Variants in TTC39B observed in about 807,000 individuals in gnomAD.
TTC39B encodes the protein tetratricopeptide repeat protein 39B.
In TTC39B, 92 loss-of-function variants were observed where a neutral mutation model predicts 96.6. The observed-to-expected ratio is 0.95, with a 90% CI of 0.80 to 1.13. The LOEUF is 1.13. Among genes scored for constraint, TTC39B ranks in the 50% most tolerant of loss-of-function variants. The probability of loss-of-function intolerance (pLI) is 0.00; values close to 1 mark genes in which losing one functional copy is unlikely to be tolerated. For synonymous variants in TTC39B, 367 were observed against 299.4 expected (o/e 1.23, Z -2.33); for missense variants, 955 against 809.3 (o/e 1.18, Z -2.18).
intron 17 of TTC39B, among the ~76,000 whole-genome samples, chr9:15,180,196 T>C (rs1818175245): frequency 6.6e-6 from 1 of 152,202 alleles, no homozygotes; most frequent in Non-Finnish European, 1.5e-5. Flanking sequence ...GTATCTATGC[T>C]GAAATTTTTA....
chr9:15,204,247 G>A (rs1049625614), intron 6 of TTC39B, among the ~76,000 whole-genome samples: 4 of 152,156 alleles, frequency 2.6e-5, no homozygotes, highest in African/African-American at 9.7e-5. Context: ...ATAAAACTTT[G>A]GCTGTGCGTG....
At chr9:15,282,937 C>A (rs1359358128) in intron 1 of TTC39B, among the ~76,000 whole-genome samples, 1 of 152,154 alleles carries the variant, frequency 6.6e-6, no homozygotes, top group Non-Finnish European at 1.5e-5. Context: ...ACAAAGTGAA[C>A]TTCATCAAAC....
At chr9:15,241,345 A>ATGAACCATAAT (rs1822031765) in intron 2 of TTC39B, among the ~76,000 whole-genome samples, 1 of 152,192 alleles carries the variant, frequency 6.6e-6, no homozygotes, top group South Asian at 2.1e-4. Context: ...ATAGCAGTGA[A>ATGAACCATAAT]TGAACCATAA....
rs148564559 is a variant in TTC39B, at chr9:15,281,908, C to A, written c.241-13960G>T. Among the ~76,000 whole-genome samples, 459 of 152,190 alleles carry A rather than the reference C, an allele frequency of 3.0e-3. 6 individuals are homozygous for A. Among genetic ancestry groups the A allele is most frequent in the East Asian group, 0.017 (89 of 5,184 alleles). ...GGTCAGGCTGGTCTCAAACTCCTGA[C>A]CTCAAGTGATCCACCCACCTCAGCC... On this transcript the variant is annotated intron_variant, in intron 1 of 19. Coordinates refer to ENST00000512701, the Ensembl canonical transcript of TTC39B.
In TTC39B at chr9:15,210,089, T is replaced by A. The variant is rs1177839888; in HGVS notation, c.690A>T (p.Glu230Asp). ...AGTGATCTTTTAAATGACTTTTACC[T>A]TCACTCAGTTGCTCCAGGGATCCTC... The change falls in exon 6 of 20, where the codon GAA (glutamate) becomes GAT (aspartate). Residue 230 changes from glutamate (E) to aspartate (D), a missense_variant and splice_region_variant. Glu to Asp is a conservative substitution (Grantham distance 45). Coordinates refer to ENST00000512701, the Ensembl canonical transcript of TTC39B. 1.9e-6 allele frequency: 3 copies of A among 1,595,264 alleles called. No individual in the cohort carries two copies. In the African/African-American group the frequency reaches 4.1e-5, roughly 22 times the overall value.
intron 7 of TTC39B, among the ~76,000 whole-genome samples, chr9:15,201,418 G>C (rs1819532551): frequency 6.6e-6 from 1 of 152,180 alleles, no homozygotes; most frequent in African/African-American, 2.4e-5. Context: ...ACGGGGACGG[G>C]ATCATGCATG....
chr9:15,277,013 G>A (rs1045893384), intron 1 of TTC39B, among the ~76,000 whole-genome samples: 5 of 152,184 alleles, frequency 3.3e-5, no homozygotes, highest in African/African-American at 7.2e-5. Context: ...GAGAAAAGCC[G>A]GGTGTGGGAT....
intron 19 of TTC39B, among the ~76,000 whole-genome samples, chr9:15,172,848 C>T (rs944935462): frequency 6.6e-6 from 1 of 152,148 alleles, no homozygotes; most frequent in Non-Finnish European, 1.5e-5. Flanking sequence ...ATAAGGGCTA[C>T]TCACTGGTAA....
chr9:15,220,203 A>C (rs1820768487), intron 3 of TTC39B, among the ~76,000 whole-genome samples: 2 of 152,176 alleles, frequency 1.3e-5, no homozygotes, highest in Admixed American at 6.5e-5. Flanking sequence ...AGTCCCCTGC[A>C]CCTGTGGACT....
At chr9:15,177,889 A>C (rs1454411898) in intron 17 of TTC39B, 75 bp from the exon 18 acceptor site, 10 of 718,512 alleles carry the variant, frequency 1.4e-5, no homozygotes, top group Non-Finnish European at 2.1e-5. Context: ...TTTTTTTTTG[A>C]GACGGACTCT....
chr9:15,252,336 C>T (rs988076866), intron 2 of TTC39B, among the ~76,000 whole-genome samples: 7 of 152,052 alleles, frequency 4.6e-5, no homozygotes, highest in African/African-American at 1.4e-4. Context: ...TAATCAATTA[C>T]AACATATCCT....
intron 2 of TTC39B, among the ~76,000 whole-genome samples, chr9:15,240,999 C>T (rs1288150866): frequency 6.6e-6 from 1 of 152,158 alleles, no homozygotes; most frequent in Non-Finnish European, 1.5e-5. Context: ...ATGATTCATG[C>T]CTTATTGAAG....
At chr9:15,197,941 T>C (rs957109631) in intron 8 of TTC39B, among the ~76,000 whole-genome samples, 2 of 152,074 alleles carry the variant, frequency 1.3e-5, no homozygotes, top group East Asian at 3.8e-4. Context: ...TTAAGATAAA[T>C]GAAAACAGAA....
At position 15,287,313 on chromosome 9, in the gene TTC39B, C is replaced by T. The variant is rs140601249; in HGVS notation, c.241-19365G>A. Among the ~76,000 whole-genome samples, 532 of 152,282 alleles carry T rather than the reference C, an allele frequency of 3.5e-3. 3 individuals carry two copies. The highest frequency in any genetic ancestry group is 6.4e-3 in the Non-Finnish European group (438 of 68,026). On this transcript the variant is annotated intron_variant, in intron 1 of 19. Coordinates refer to ENST00000512701, the Ensembl canonical transcript of TTC39B. ...AAATCTATAGTGACATCTGACAAAG[C>T]TGAATGGTCAATCTGAAAATAAAGA... is the stretch of plus-strand genomic sequence containing the variant.
rs370622718 is a variant in TTC39B at position 15,190,736 on chromosome 9, T to G, written c.997-74A>C. The G allele has an allele frequency of 6.3e-5, 77 of 1,227,014 alleles. No homozygotes were observed. In the East Asian group the frequency reaches 1.7e-3, roughly 27 times the overall value. The allele number at this position is 1,227,014 out of a possible 1,614,324, so 76.0% of individuals were successfully genotyped here. On this transcript the variant is annotated intron_variant, in intron 10 of 19. Coordinates refer to ENST00000512701, the Ensembl canonical transcript of TTC39B. ...ATATTCAGAAACTTTTTAAACATTT[T>G]TATATATTAGGGGGGTTACAAGTAC...
At chr9:15,209,206 G>A (rs1820046598) in intron 6 of TTC39B, among the ~76,000 whole-genome samples, 1 of 151,552 alleles carries the variant, frequency 6.6e-6, no homozygotes, top group African/African-American at 2.4e-5. Flanking sequence ...CTCCTTTCTT[G>A]TAAACTATTG....
Position 15,251,700 on chromosome 9 carries a change from CATATATATATATATATATATAT to C in TTC39B, c.275+16192_275+16213del, listed in dbSNP as rs57422881. ...ACACACACACACACACATACATATA[CATATATATATATATATATATAT>C]ATATATATATATATGTAGTATATAT... is the stretch of plus-strand genomic sequence containing the variant. On this transcript the variant is annotated intron_variant, in intron 2 of 19. Coordinates refer to ENST00000512701, the Ensembl canonical transcript of TTC39B. Among the ~76,000 whole-genome samples the C allele has an allele frequency of 9.9e-4, 97 of 98,364 alleles. 2 individuals are homozygous for C. The highest frequency in any genetic ancestry group is 5.8e-3 in the East Asian group (11 of 1,892). The allele number at this position is 98,364 out of a possible 152,430, so 64.5% of individuals were successfully genotyped here.
intron 3 of TTC39B, among the ~76,000 whole-genome samples, chr9:15,215,586 G>A (rs766499621): frequency 1.3e-5 from 2 of 150,496 alleles, no homozygotes; most frequent in Admixed American, 6.6e-5. Context: ...AGACAGGCAC[G>A]GTGGCTCATG....
At chr9:15,231,155 G>T (rs1032387756) in intron 2 of TTC39B, among the ~76,000 whole-genome samples, 2 of 152,030 alleles carry the variant, frequency 1.3e-5, no homozygotes, top group Admixed American at 6.6e-5. Flanking sequence ...TTCCAAAGTG[G>T]CTGTGTGATT....
Sources: allele counts gnomAD v4.1 joint callset (sites outside exome capture counted in the v4.1 genomes callset), GRCh38; gene constraint gnomAD v4.1.1; transcripts MANE v1.5; gene names NCBI Gene and HGNC (gene_info 2026-07-23, HGNC 2026-07-21).